PDZRN3: variants seen among roughly 807,000 people sequenced by gnomAD.
PDZRN3 encodes PDZ domain containing ring finger 3.
A neutral mutation model predicts 85.7 loss-of-function variants in PDZRN3; 38 were observed. That is an observed-to-expected ratio of 0.44 (90% CI 0.34 to 0.58). The LOEUF is 0.58. PDZRN3 is among the 20% of genes least tolerant of loss of function. PDZRN3 has a pLI of 0.01. For synonymous variants in PDZRN3, 759 were observed against 638.0 expected (o/e 1.19, Z -2.86); for missense variants, 1,629 against 1,506.4 (o/e 1.08, Z -1.35).
At chr3:73,591,490 A>G (rs950143071) in intron 3 of PDZRN3, among the ~76,000 whole-genome samples, 2 of 152,250 alleles carry the variant, frequency 1.3e-5, no homozygotes, top group Non-Finnish European at 1.5e-5. Context: ...AATAAAAAAC[A>G]AATTAAAATG....
chr3:73,384,529 C>T lies in PDZRN3; in HGVS notation c.2037G>A (p.Glu679=), dbSNP rs532228924. Residue 679 remains glutamate, a synonymous_variant, in exon 10 of 10, where the codon GAG becomes GAA. Transcript: ENST00000263666. ...GPLDAGKSDP[E]SVDKELELLN... is the part of the protein sequence containing the mutation. ...GCAGCTCCAGCTCCTTGTCCACGCT[C>T]TCAGGGTCACTCTTGCCGGCGTCCA... 6.2e-7 allele frequency: 1 copy of T among 1,613,760 alleles called. No homozygotes were observed. The highest frequency in any genetic ancestry group is 1.3e-5 in the African/African-American group (1 of 75,078).
At chr3:73,592,523 G>C (rs1702373347) in intron 3 of PDZRN3, among the ~76,000 whole-genome samples, 3 of 152,144 alleles carry the variant, frequency 2.0e-5, no homozygotes, top group Non-Finnish European at 1.5e-5. Flanking sequence ...CTAAAGGGCA[G>C]AGGGGAGTGC....
At chr3:73,489,575 C>CTTTTTCTTTTTTTT (rs1553694902) in intron 3 of PDZRN3, among the ~76,000 whole-genome samples, 1 of 80,096 alleles carries the variant, frequency 1.2e-5, no homozygotes, top group Non-Finnish European at 2.3e-5. Flanking sequence ...AGTTTCTTTT[C>CTTTTTCTTTTTTTT]TTTTTTTTTT....
intron 3 of PDZRN3, among the ~76,000 whole-genome samples, chr3:73,407,054 G>T (rs1255053933): frequency 6.6e-6 from 1 of 152,158 alleles, no homozygotes; most frequent in Admixed American, 6.5e-5. Flanking sequence ...GGTGTGGATT[G>T]TGATGGGCTC....
chr3:73,605,391 G>GGGTA (rs2106900743), intron 2 of PDZRN3, among the ~76,000 whole-genome samples: 1 of 152,274 alleles, frequency 6.6e-6, no homozygotes, highest in Non-Finnish European at 1.5e-5. Flanking sequence ...TTCATAGCAA[G>GGGTA]GGTACCTAAC....
chr3:73,587,973 A>C (rs1043723035), intron 3 of PDZRN3, among the ~76,000 whole-genome samples: 14 of 152,192 alleles, frequency 9.2e-5, no homozygotes, highest in African/African-American at 3.1e-4. Context: ...TTTCTTCTAA[A>C]AACGAAACCA....
intron 3 of PDZRN3, among the ~76,000 whole-genome samples, chr3:73,407,761 C>A (rs77130313): frequency 0.026 from 4,018 of 152,206 alleles, 196 homozygotes; most frequent in African/African-American, 0.091. Flanking sequence ...ATGAAGGACC[C>A]GCTTGGATCA....
intron 3 of PDZRN3, among the ~76,000 whole-genome samples, chr3:73,557,169 G>C (rs529882764): frequency 6.6e-6 from 1 of 152,240 alleles, no homozygotes; most frequent in East Asian, 1.9e-4. Context: ...GCTGCACAGG[G>C]AAAAATCTCT....
chr3:73,545,344 G>A (rs1220933759), intron 3 of PDZRN3, among the ~76,000 whole-genome samples: 1 of 152,190 alleles, frequency 6.6e-6, no homozygotes, highest in Non-Finnish European at 1.5e-5. Context: ...AACTCTTTGG[G>A]GAAGGGAGGA....
At position 73,624,862 on chromosome 3, in the gene PDZRN3, CG is replaced by C. The variant is rs1197846689; in HGVS notation, c.-38del. ...GGCCCCGGGGTCGCCGCCGGGCGGC[CG>C]GGCGCCCCCTCCCTCCCCACGAGGC... On this transcript the variant is annotated 5_prime_UTR_variant, in exon 1 of 10. Transcript: ENST00000263666. 4 of 1,265,474 alleles carry C rather than the reference CG, an allele frequency of 3.2e-6. No individual in the cohort carries two copies. The highest frequency in any genetic ancestry group is 4.0e-6 in the Non-Finnish European group (4 of 1,007,888). The allele number at this position is 1,265,474 out of a possible 1,614,324, so 78.4% of individuals were successfully genotyped here. A position where few individuals can be genotyped will look rare whatever the true frequency, so the allele number is the denominator to read the frequency against.
intron 3 of PDZRN3, among the ~76,000 whole-genome samples, chr3:73,502,206 G>C (rs989452861): frequency 2.0e-5 from 3 of 152,188 alleles, no homozygotes; most frequent in African/African-American, 7.2e-5. Context: ...TCTTGATTTG[G>C]TTGCTCATGA....
intron 4 of PDZRN3, chr3:73,401,740 G>A (rs754276798): frequency 1.3e-5 from 2 of 152,134 alleles, no homozygotes; most frequent in African/African-American, 2.4e-5. Context: ...CAACCTCAAG[G>A]AGCCAAGGCA....
chr3:73,527,681 T>C (rs945365887), intron 3 of PDZRN3, among the ~76,000 whole-genome samples: 3 of 152,206 alleles, frequency 2.0e-5, no homozygotes, highest in Non-Finnish European at 2.9e-5. Context: ...CTTTGAGCTA[T>C]TTAAAGTGGT....
At position 73,624,876 on chromosome 3, in the gene PDZRN3, C is replaced by T. The variant is rs1020456248; in HGVS notation, c.-51G>A. 8.7e-6 allele frequency: 11 copies of T among 1,260,388 alleles called. No homozygotes were observed. The highest frequency in any genetic ancestry group is 8.0e-6 in the Non-Finnish European group (8 of 1,003,940). 78.1% of individuals were successfully genotyped at this position (1,260,388 alleles called of 1,614,324 possible). A position where few individuals can be genotyped will look rare whatever the true frequency, so the allele number is the denominator to read the frequency against. On this transcript the variant is annotated 5_prime_UTR_variant, in exon 1 of 10. Transcript: ENST00000263666. ...CGCCGGGCGGCCGGGCGCCCCCTCC[C>T]TCCCCACGAGGCGGCCCAGACAGGC...
chr3:73,415,367 C>T (rs1702055744), intron 3 of PDZRN3, among the ~76,000 whole-genome samples: 1 of 152,190 alleles, frequency 6.6e-6, no homozygotes, highest in African/African-American at 2.4e-5. Flanking sequence ...GACTATCATG[C>T]GTTAAGCCTG....
intron 3 of PDZRN3, among the ~76,000 whole-genome samples, chr3:73,556,324 A>C (rs1299213101): frequency 6.6e-6 from 1 of 151,920 alleles, no homozygotes; most frequent in African/African-American, 2.4e-5. Flanking sequence ...TTATTTTATA[A>C]TTATATTGAA....
intron 1 of PDZRN3, among the ~76,000 whole-genome samples, chr3:73,614,207 A>C (rs1702727848): frequency 6.6e-6 from 1 of 152,222 alleles, no homozygotes; most frequent in Non-Finnish European, 1.5e-5. Context: ...ACAGTGGAAA[A>C]TCAAAAATTG....
chr3:73,507,575 G>A (rs1290747941), intron 3 of PDZRN3, among the ~76,000 whole-genome samples: 1 of 152,216 alleles, frequency 6.6e-6, no homozygotes, highest in Admixed American at 6.5e-5. Context: ...GCTTTCCAGT[G>A]CTTTTAGAAA....
intron 3 of PDZRN3, among the ~76,000 whole-genome samples, chr3:73,598,419 G>A (rs1702462541): frequency 6.6e-6 from 1 of 152,208 alleles, no homozygotes; most frequent in Non-Finnish European, 1.5e-5. Context: ...GCAATCAAAG[G>A]TGGGGTCGGA....
Sources: gnomAD v4.1 joint callset for allele counts (sites outside exome capture counted in the v4.1 genomes callset) on GRCh38, gnomAD v4.1.1 for gene constraint, MANE v1.5 for transcripts, NCBI Gene and HGNC (gene_info 2026-07-23, HGNC 2026-07-21) for gene names.